The following PHACTR1 variants were observed in gnomAD, a reference collection of about 807,000 sequenced individuals.
The protein encoded by PHACTR1 is RPEL repeat containing 1.
PHACTR1 carries 16 observed loss-of-function variants against 69.2 expected under a neutral mutation model. The ratio of observed to expected loss-of-function variants is 0.23; its 90% CI spans 0.16 to 0.35. The LOEUF (loss-of-function observed/expected upper bound fraction) is 0.35. Ranked by LOEUF, PHACTR1 falls within the 10% of genes least tolerant of loss-of-function variation. The pLI is 1.00. For synonymous variants in PHACTR1, 312 were observed against 284.5 expected, an observed-to-expected ratio of 1.10 and a Z score of -0.97; for missense variants, 510 against 734.7, an observed-to-expected ratio of 0.69 and a Z score of 3.54.
chr6:12,781,649 G>A (rs1305222043), intron 4 of PHACTR1, among the ~76,000 whole-genome samples: 1 of 152,176 alleles, frequency 6.6e-6, no homozygotes, highest in Non-Finnish European at 1.5e-5. Context: ...ACATGGCAGA[G>A]ATCAGCCACT....
In PHACTR1 at chr6:12,903,615, C is replaced by T. The variant is rs535765146; in HGVS notation, c.251-149750C>T. Among the ~76,000 whole-genome samples the T allele has an allele frequency of 1.2e-4, 19 of 152,348 alleles. No homozygotes were observed. The South Asian group carries it at 3.7e-3, about 30-fold the overall frequency. On this transcript the variant is annotated intron_variant, in intron 4 of 14. Transcript: ENST00000332995. ...CTTTGCCCTTAGAAAGGTTTATAGC[C>T]TTCTCCCTAATAACTCAGTACATAA... is the stretch of plus-strand genomic sequence containing the variant.
rs570110169 is a variant in PHACTR1 at position 13,244,562 on chromosome 6, C to G, written c.1391+14369C>G. Among the ~76,000 whole-genome samples, 6 of 152,342 alleles carry G rather than the reference C, an allele frequency of 3.9e-5. No homozygotes were observed. The South Asian group carries it at 1.2e-3, about 32-fold the overall frequency. On this transcript the variant is annotated intron_variant, in intron 10 of 14. Transcript: ENST00000332995. ...TTCAAGTTCAGAGACCTAACCCTAG[C>G]TGCACATTCTCTTTCTCAGGGATAT...
At chr6:12,952,499 C>G (rs768993015) in intron 4 of PHACTR1, among the ~76,000 whole-genome samples, 4 of 152,194 alleles carry the variant, frequency 2.6e-5, no homozygotes, top group East Asian at 3.8e-4. Context: ...CAGGCTGGCT[C>G]TTTTCCATGG....
chr6:13,134,144 G>A (rs1361479764), intron 5 of PHACTR1, among the ~76,000 whole-genome samples: 1 of 151,760 alleles, frequency 6.6e-6, no homozygotes, highest in African/African-American at 2.4e-5. Context: ...CCTGGCAGCC[G>A]CCCCCTCCAG....
At chr6:12,829,889 C>T (rs979879098) in intron 4 of PHACTR1, among the ~76,000 whole-genome samples, 3 of 146,966 alleles carry the variant, frequency 2.0e-5, no homozygotes, top group East Asian at 4.1e-4. Context: ...ACCCAGGAGG[C>T]GGAGGTTGCA....
At chr6:13,051,937 A>G (rs919620654) in intron 4 of PHACTR1, among the ~76,000 whole-genome samples, 1 of 152,084 alleles carries the variant, frequency 6.6e-6, no homozygotes, top group Non-Finnish European at 1.5e-5. Flanking sequence ...CCAGGTAGTA[A>G]AGGTTTAAGT....
At chr6:12,736,550 A>G (rs1229062810) in intron 3 of PHACTR1, among the ~76,000 whole-genome samples, 1 of 152,220 alleles carries the variant, frequency 6.6e-6, no homozygotes, top group Non-Finnish European at 1.5e-5. Flanking sequence ...CTATGGGCAA[A>G]TATTAATATC....
chr6:13,244,465 C>T (rs147505036), intron 10 of PHACTR1, among the ~76,000 whole-genome samples: 1 of 152,122 alleles, frequency 6.6e-6, no homozygotes, highest in Non-Finnish European at 1.5e-5. Flanking sequence ...AGCCTGGGAG[C>T]GCTATGGGAG....
intron 4 of PHACTR1, among the ~76,000 whole-genome samples, chr6:13,014,038 C>CCAA (rs970673646): frequency 3.3e-5 from 5 of 152,046 alleles, no homozygotes; most frequent in South Asian, 2.1e-4. Flanking sequence ...GAGCCCGCCC[C>CCAA]CAACAACAAC....
chr6:13,178,812 A>T (rs570673761), intron 6 of PHACTR1, among the ~76,000 whole-genome samples: 51 of 152,252 alleles, frequency 3.3e-4, no homozygotes, highest in Non-Finnish European at 5.7e-4. Context: ...CACTAACAAG[A>T]TGGTGATGAC....
chr6:13,225,497 C>CT (rs746247173), intron 8 of PHACTR1, among the ~76,000 whole-genome samples: 11 of 152,232 alleles, frequency 7.2e-5, no homozygotes, highest in African/African-American at 2.7e-4. Flanking sequence ...AAGAAGGTCT[C>CT]TCGCTGCCCA....
chr6:13,271,437 T>C (rs529734582), intron 10 of PHACTR1, among the ~76,000 whole-genome samples: 9 of 152,202 alleles, frequency 5.9e-5, no homozygotes, highest in East Asian at 5.8e-4. Flanking sequence ...ACAGAAGCAA[T>C]TGATTCTGGC....
chr6:12,823,129 G>T (rs1310362413), intron 4 of PHACTR1, among the ~76,000 whole-genome samples: 1 of 152,184 alleles, frequency 6.6e-6, no homozygotes, highest in Non-Finnish European at 1.5e-5. Context: ...TGGGGCCTCT[G>T]TCACCTACCA....
chr6:12,871,101 G>A (rs551432489), intron 4 of PHACTR1, among the ~76,000 whole-genome samples: 12 of 151,964 alleles, frequency 7.9e-5, no homozygotes, highest in African/African-American at 2.4e-4. Context: ...GGAATGAAAG[G>A]TATATGATAG....
chr6:12,964,318 C>A (rs1793156401), intron 4 of PHACTR1, among the ~76,000 whole-genome samples: 1 of 151,554 alleles, frequency 6.6e-6, no homozygotes, highest in Non-Finnish European at 1.5e-5. Flanking sequence ...TCCATGAGAA[C>A]AGAAAAAAAA....
intron 5 of PHACTR1, among the ~76,000 whole-genome samples, chr6:13,157,013 C>A (rs937320637): frequency 1.3e-5 from 2 of 152,336 alleles, no homozygotes; most frequent in Admixed American, 1.3e-4. Context: ...GTTCATCTTT[C>A]ATATTCTCAA....
At position 13,084,546 on chromosome 6, in the gene PHACTR1, T is replaced by C. The variant is rs548733233; in HGVS notation, c.415+31017T>C. Among the ~76,000 whole-genome samples the C allele has an allele frequency of 4.6e-5, 7 of 150,666 alleles. No homozygotes were observed. The East Asian group carries it at 1.4e-3, about 29-fold the overall frequency. ...AATTAAAAAAAAGAATTAATACAAA[T>C]TAAAAAAAAAGAAAAATGAACACAT... On this transcript the variant is annotated intron_variant, in intron 5 of 14. Coordinates refer to ENST00000332995, the MANE Select transcript of PHACTR1 (RefSeq NM_030948.6).
At chr6:12,958,336 A>G (rs1021528568) in intron 4 of PHACTR1, among the ~76,000 whole-genome samples, 5 of 152,228 alleles carry the variant, frequency 3.3e-5, no homozygotes, top group African/African-American at 1.2e-4. Flanking sequence ...GTGCCTGCTG[A>G]GGCAGGCAGC....
chr6:13,164,522 G>A (rs1245034599), intron 6 of PHACTR1, among the ~76,000 whole-genome samples: 1 of 152,164 alleles, frequency 6.6e-6, no homozygotes, highest in Admixed American at 6.5e-5. Flanking sequence ...CCACCTGCAT[G>A]CAGCCTCCAG....
Sources: allele counts gnomAD v4.1 joint callset (sites outside exome capture counted in the v4.1 genomes callset), GRCh38; gene constraint gnomAD v4.1.1; transcripts MANE v1.5; gene names NCBI Gene and HGNC (gene_info 2026-07-23, HGNC 2026-07-21).